SEMA5A: variants seen among roughly 807,000 people sequenced by gnomAD.
The protein encoded by SEMA5A is semaphorin-5A.
A neutral mutation model predicts 135.5 loss-of-function variants in SEMA5A; 55 were observed. The observed-to-expected ratio is 0.41, with a 90% CI of 0.33 to 0.51. The LOEUF (loss-of-function observed/expected upper bound fraction) is 0.51, where lower values mean the gene tolerates loss of function less well. SEMA5A is among the 20% of genes least tolerant of loss of function. The probability of loss-of-function intolerance (pLI) is 0.37; values close to 1 mark genes in which losing one functional copy is unlikely to be tolerated. For missense variants in SEMA5A, 1,290 were observed against 1,419.9 expected, an observed-to-expected ratio of 0.91 and a Z score of 1.47; for synonymous variants, 580 against 546.5, an observed-to-expected ratio of 1.06 and a Z score of -0.85.
chr5:9,324,786 G>A (rs1356294631), intron 4 of SEMA5A, among the ~76,000 whole-genome samples: 2 of 152,224 alleles, frequency 1.3e-5, no homozygotes, highest in East Asian at 3.8e-4. Flanking sequence ...TCTTGCAATT[G>A]TGTGAGCACA....
At chr5:9,450,034 T>C (rs1401610149) in intron 1 of SEMA5A, among the ~76,000 whole-genome samples, 1 of 152,186 alleles carries the variant, frequency 6.6e-6, no homozygotes, top group East Asian at 1.9e-4. Context: ...TTCATGCTCA[T>C]AAAAGCTCAA....
intron 5 of SEMA5A, among the ~76,000 whole-genome samples, chr5:9,299,884 A>C (rs1310607000): frequency 6.6e-6 from 1 of 152,204 alleles, no homozygotes; most frequent in Non-Finnish European, 1.5e-5. Flanking sequence ...GAGATGTAAC[A>C]GAAGAGTTTT....
At chr5:9,102,247 C>A (rs1739671852) in intron 16 of SEMA5A, among the ~76,000 whole-genome samples, 1 of 152,208 alleles carries the variant, frequency 6.6e-6, no homozygotes, top group Admixed American at 6.5e-5. Flanking sequence ...AAGGAAGTGC[C>A]AGCTGTCCCA....
intron 6 of SEMA5A, among the ~76,000 whole-genome samples, chr5:9,237,059 G>A (rs1259946370): frequency 1.3e-5 from 2 of 152,112 alleles, no homozygotes; most frequent in South Asian, 2.1e-4. Flanking sequence ...TTTCTACTCT[G>A]TGTATAACTG....
intron 1 of SEMA5A, among the ~76,000 whole-genome samples, chr5:9,454,786 G>C (rs753374117): frequency 6.6e-6 from 1 of 152,094 alleles, no homozygotes; most frequent in African/African-American, 2.4e-5. Context: ...AATGGAATTG[G>C]TTTCCTTTTA....
At chr5:9,376,917 C>A (rs919662106) in intron 3 of SEMA5A, among the ~76,000 whole-genome samples, 1 of 152,078 alleles carries the variant, frequency 6.6e-6, no homozygotes, top group Non-Finnish European at 1.5e-5. Context: ...CCCTTTGGCC[C>A]AGAAATCCCA....
intron 9 of SEMA5A, among the ~76,000 whole-genome samples, chr5:9,198,809 T>C (rs1002144503): frequency 1.3e-5 from 2 of 152,122 alleles, no homozygotes; most frequent in Non-Finnish European, 2.9e-5. Flanking sequence ...AGAAAATAAG[T>C]GTGCTGGAGT....
At chr5:9,208,583 G>A (rs1746176751) in intron 8 of SEMA5A, among the ~76,000 whole-genome samples, 1 of 152,122 alleles carries the variant, frequency 6.6e-6, no homozygotes, top group African/African-American at 2.4e-5. Context: ...GCTGAGAAGG[G>A]GCCACCCAGA....
At chr5:9,325,372 C>T (rs1344810140) in intron 4 of SEMA5A, among the ~76,000 whole-genome samples, 1 of 152,010 alleles carries the variant, frequency 6.6e-6, no homozygotes, top group Admixed American at 6.6e-5. Flanking sequence ...ATTCAAATCA[C>T]AAAGCTATTA....
intron 1 of SEMA5A, among the ~76,000 whole-genome samples, chr5:9,535,418 G>T (rs1251350772): frequency 6.6e-6 from 1 of 152,074 alleles, no homozygotes; most frequent in African/African-American, 2.4e-5. Context: ...GCCTGGACAC[G>T]CTGAGATGCT....
intron 11 of SEMA5A, among the ~76,000 whole-genome samples, chr5:9,167,339 C>T (rs946515240): frequency 6.6e-5 from 10 of 152,128 alleles, no homozygotes; most frequent in East Asian, 3.9e-4. Flanking sequence ...AACTCTCAGG[C>T]GTACCGCATG....
intron 11 of SEMA5A, among the ~76,000 whole-genome samples, chr5:9,173,923 A>G (rs1744067881): frequency 6.6e-6 from 1 of 152,226 alleles, no homozygotes; most frequent in South Asian, 2.1e-4. Context: ...ACTCCACAGC[A>G]TCCTTTGGTA....
At chr5:9,388,042 C>T (rs1391379937) in intron 2 of SEMA5A, among the ~76,000 whole-genome samples, 1 of 152,188 alleles carries the variant, frequency 6.6e-6, no homozygotes, top group African/African-American at 2.4e-5. Context: ...ACAGACCACT[C>T]TTAACTCCAG....
intron 5 of SEMA5A, among the ~76,000 whole-genome samples, chr5:9,255,559 G>A (rs986550959): frequency 2.0e-5 from 3 of 152,034 alleles, no homozygotes; most frequent in Non-Finnish European, 4.4e-5. Flanking sequence ...TTCCTTCTGG[G>A]ACCACCTTCT....
chr5:9,303,339 A>G (rs1412681498), intron 5 of SEMA5A, among the ~76,000 whole-genome samples: 2 of 152,032 alleles, frequency 1.3e-5, no homozygotes, highest in African/African-American at 4.8e-5. Context: ...GATGGTCTCA[A>G]TCTCCTAACC....
chr5:9,418,287 C>T (rs1372913373), intron 2 of SEMA5A, among the ~76,000 whole-genome samples: 1 of 152,030 alleles, frequency 6.6e-6, no homozygotes, highest in East Asian at 1.9e-4. Context: ...AGTGTCTCTT[C>T]TTATAAAAGC....
intron 11 of SEMA5A, among the ~76,000 whole-genome samples, chr5:9,187,561 TTAAC>T (rs1229224450): frequency 2.0e-5 from 3 of 152,204 alleles, no homozygotes; most frequent in Admixed American, 6.5e-5. Context: ...CCTCTTGAGT[TTAAC>T]TAACAATCCA....
At chr5:9,526,559 T>C (rs940284982) in intron 1 of SEMA5A, among the ~76,000 whole-genome samples, 3 of 152,172 alleles carry the variant, frequency 2.0e-5, no homozygotes, top group Non-Finnish European at 4.4e-5. Context: ...CTCCCAATTT[T>C]TTAAAGGAAA....
chr5:9,391,734 G>C (rs1244925134), intron 2 of SEMA5A, among the ~76,000 whole-genome samples: 3 of 152,152 alleles, frequency 2.0e-5, no homozygotes, highest in Non-Finnish European at 4.4e-5. Context: ...ATGTGCCTTG[G>C]TGTTTTTCAT....
Sources: allele counts gnomAD v4.1 joint callset (sites outside exome capture counted in the v4.1 genomes callset), GRCh38; gene constraint gnomAD v4.1.1; transcripts MANE v1.5; gene names NCBI Gene and HGNC (gene_info 2026-07-23, HGNC 2026-07-21).